The following CDC42BPA variants were observed in gnomAD, a reference collection of about 807,000 sequenced individuals.
CDC42BPA encodes CDC42 binding protein kinase alpha.
Under a neutral mutation model 223.5 loss-of-function variants are expected in CDC42BPA, and 80 were observed. That is an observed-to-expected ratio of 0.36 (90% CI 0.30 to 0.43). The LOEUF (loss-of-function observed/expected upper bound fraction) is 0.43. Among genes scored for constraint, CDC42BPA ranks in the 20% least tolerant of loss-of-function variants. The probability of loss-of-function intolerance (pLI) is 1.00; values close to 1 mark genes in which losing one functional copy is unlikely to be tolerated. For synonymous variants in CDC42BPA, 694 were observed against 718.6 expected (o/e 0.97, Z 0.55); for missense variants, 1,743 against 2,099.9 (o/e 0.83, Z 3.32).
At chr1:227,113,844 C>T (rs940664784) in intron 12 of CDC42BPA, among the ~76,000 whole-genome samples, 4 of 146,926 alleles carry the variant, frequency 2.7e-5, no homozygotes, top group African/African-American at 1.0e-4. Context: ...GAGACCTTAT[C>T]TCTACAAAAA....
At chr1:227,071,167 A>G (rs1431100918) in intron 20 of CDC42BPA, among the ~76,000 whole-genome samples, 1 of 151,874 alleles carries the variant, frequency 6.6e-6, no homozygotes. Context: ...GACTATTTGT[A>G]AAGGCTTTTT....
intron 21 of CDC42BPA, among the ~76,000 whole-genome samples, chr1:227,065,122 A>AAATTAATT (rs1247513052): frequency 1.3e-5 from 2 of 151,644 alleles, no homozygotes; most frequent in African/African-American, 4.9e-5. Flanking sequence ...ATAAATAAAT[A>AAATTAATT]AATTAACTCA....
chr1:227,073,053 A>G (rs1346820238), intron 19 of CDC42BPA, among the ~76,000 whole-genome samples: 1 of 152,168 alleles, frequency 6.6e-6, no homozygotes, highest in African/African-American at 2.4e-5. Flanking sequence ...TTGATTAAAA[A>G]GATAAACAAT....
At chr1:227,017,118 C>A (rs1223455092) in intron 32 of CDC42BPA, 68 bp from the exon 33 acceptor site, 1 of 1,429,220 alleles carries the variant, frequency 7.0e-7, no homozygotes, top group African/African-American at 1.4e-5. Context: ...TATCTATTAA[C>A]CTCCAAGACA....
intron 1 of CDC42BPA, among the ~76,000 whole-genome samples, chr1:227,268,755 G>A (rs778117467): frequency 4.6e-5 from 7 of 150,816 alleles, no homozygotes; most frequent in African/African-American, 9.8e-5. Context: ...GCGTGATCCC[G>A]GTTCACTGCA....
intron 5 of CDC42BPA, among the ~76,000 whole-genome samples, chr1:227,177,339 C>A (rs76859897): frequency 0.054 from 8,179 of 152,138 alleles, 243 homozygotes; most frequent in Non-Finnish European, 0.072. Flanking sequence ...CCCTCACCCC[C>A]ACTTCATTAC....
intron 6 of CDC42BPA, among the ~76,000 whole-genome samples, chr1:227,149,610 G>A (rs918432398): frequency 2.6e-5 from 4 of 152,024 alleles, no homozygotes; most frequent in South Asian, 2.1e-4. Flanking sequence ...AAAATCAAAC[G>A]GAAGTCCTAG....
chr1:227,231,782 CTTTT>C (rs1368998294), intron 2 of CDC42BPA, among the ~76,000 whole-genome samples: 2 of 152,094 alleles, frequency 1.3e-5, no homozygotes, highest in Non-Finnish European at 2.9e-5. Context: ...TAAATGTCTT[CTTTT>C]GAGAAGTGTC....
At chr1:227,073,519 A>G (rs567622401) in intron 19 of CDC42BPA, among the ~76,000 whole-genome samples, 4 of 152,272 alleles carry the variant, frequency 2.6e-5, no homozygotes, top group African/African-American at 4.8e-5. Flanking sequence ...TGTTCTCACC[A>G]TATGTTGTAT....
intron 1 of CDC42BPA, among the ~76,000 whole-genome samples, chr1:227,256,232 T>A (rs539517778): frequency 6.6e-6 from 1 of 151,934 alleles, no homozygotes; most frequent in Non-Finnish European, 1.5e-5. Context: ...GAAAACCAAA[T>A]ACCACATGTT....
chr1:227,204,772 T>C (rs754696935), intron 3 of CDC42BPA, among the ~76,000 whole-genome samples: 3 of 152,160 alleles, frequency 2.0e-5, no homozygotes, highest in Non-Finnish European at 4.4e-5. Flanking sequence ...CACATGCAGA[T>C]AGATAAATGG....
chr1:227,233,391 A>G (rs755068310), intron 2 of CDC42BPA, among the ~76,000 whole-genome samples: 9 of 152,030 alleles, frequency 5.9e-5, no homozygotes, highest in Non-Finnish European at 8.8e-5. Context: ...ATAAAGCTGT[A>G]ATAGTGTTAA....
At position 227,033,391 on chromosome 1, in the gene CDC42BPA, T is replaced by C; in HGVS notation, c.3501A>G (p.Ser1167=). Residue 1167 remains serine, a synonymous_variant, in exon 27 of 37, where the codon TCA becomes TCG. Transcript: ENST00000366766. ...CATGGATAACATCAGAAGCCAAGAC[T>C]GAACTCACAGAAAATTCTTCATCCC... ...DMRDEEFSVS[S]VLASDVIHAS... 1 of 1,613,516 alleles carries C rather than the reference T, an allele frequency of 6.2e-7. No individual in the cohort carries two copies. Among genetic ancestry groups the C allele is most frequent in the Admixed American group, 1.7e-5 (1 of 60,006 alleles).
At chr1:227,020,815 A>G (rs1027210484) in intron 32 of CDC42BPA, among the ~76,000 whole-genome samples, 1 of 152,222 alleles carries the variant, frequency 6.6e-6, no homozygotes, top group Admixed American at 6.5e-5. Context: ...CTTGCAGCCT[A>G]TCTCGACTTT....
intron 17 of CDC42BPA, among the ~76,000 whole-genome samples, chr1:227,077,660 A>G (rs1679778333): frequency 2.0e-5 from 3 of 152,166 alleles, no homozygotes. Context: ...TAGTTTTTCA[A>G]AAGCATGAGA....
rs1486629691 is a variant in CDC42BPA, at chr1:227,112,437, G to C, written c.1891-15C>G. 2.0e-6 allele frequency: 3 copies of C among 1,517,616 alleles called. No homozygotes were observed. The Admixed American group carries it at 6.1e-5, about 31-fold the overall frequency. The allele number at this position is 1,517,616 out of a possible 1,614,324, so 94.0% of individuals were successfully genotyped here. A position where few individuals can be genotyped will look rare whatever the true frequency, so the allele number is the denominator to read the frequency against. ...TGAACTTCCAGCTTTAAAACAGAAT[G>C]AAAAATGCAGATTTCACGGTTATAA... On this transcript the variant is annotated splice_polypyrimidine_tract_variant and intron_variant, in intron 13 of 36. Coordinates refer to ENST00000366766, the MANE Select transcript of CDC42BPA (RefSeq NM_001394014.1).
intron 8 of CDC42BPA, among the ~76,000 whole-genome samples, chr1:227,144,676 C>T (rs1037658310): frequency 6.8e-6 from 1 of 148,062 alleles, no homozygotes; most frequent in African/African-American, 2.5e-5. Context: ...TCTCATATAA[C>T]CTAAAGGGTT....
At chr1:227,031,041 T>C (rs1312334204) in intron 28 of CDC42BPA, among the ~76,000 whole-genome samples, 1 of 151,920 alleles carries the variant, frequency 6.6e-6, no homozygotes, top group African/African-American at 2.4e-5. Context: ...AAGCAGAAAA[T>C]AGATTAGTAG....
intron 6 of CDC42BPA, among the ~76,000 whole-genome samples, chr1:227,152,772 A>T (rs1009847606): frequency 6.6e-6 from 1 of 152,124 alleles, no homozygotes; most frequent in Non-Finnish European, 1.5e-5. Flanking sequence ...CAACACACAA[A>T]ACCAAAATGA....
Sources: allele counts gnomAD v4.1 joint callset (sites outside exome capture counted in the v4.1 genomes callset), GRCh38; gene constraint gnomAD v4.1.1; transcripts MANE v1.5; gene names NCBI Gene and HGNC (gene_info 2026-07-23, HGNC 2026-07-21).